The following KHDRBS2 variants were observed in gnomAD, a reference collection of about 807,000 sequenced individuals.
The protein encoded by KHDRBS2 is KH domain-containing, RNA-binding, signal transduction-associated protein 2.
KHDRBS2 carries 26 observed loss-of-function variants against 44.3 expected under a neutral mutation model. That is an observed-to-expected ratio of 0.59 (90% confidence interval 0.43 to 0.81). The LOEUF is 0.81. Among genes scored for constraint, KHDRBS2 ranks in the 40% least tolerant of loss-of-function variants. The pLI is 0.00. For synonymous variants in KHDRBS2, 194 were observed against 151.1 expected (o/e 1.28, Z -2.08); for missense variants, 476 against 433.1 (o/e 1.10, Z -0.88).
chr6:61,685,564 G>T (rs987604369), intron 8 of KHDRBS2, among the ~76,000 whole-genome samples: 6 of 151,628 alleles, frequency 4.0e-5, no homozygotes, highest in Non-Finnish European at 2.9e-5. Context: ...TATTAACTTA[G>T]GCTGCTATTT....
chr6:61,751,915 T>C (rs2127568975), intron 6 of KHDRBS2, among the ~76,000 whole-genome samples: 1 of 150,928 alleles, frequency 6.6e-6, no homozygotes, highest in Admixed American at 6.7e-5. Context: ...GTGTCATCAC[T>C]TGCTCTTTCC....
the KHDRBS2 span, among the ~76,000 whole-genome samples, chr6:61,605,074 A>T: frequency 6.6e-6 from 1 of 152,144 alleles, no homozygotes; most frequent in South Asian, 2.1e-4. Flanking sequence ...CCACCAACTT[A>T]AAAAGGACTG....
chr6:61,833,676 G>T (rs1348378305), intron 6 of KHDRBS2, among the ~76,000 whole-genome samples: 1 of 152,050 alleles, frequency 6.6e-6, no homozygotes, highest in South Asian at 2.1e-4. Context: ...GACTTGAAAA[G>T]CTCTTCCAAG....
chr6:61,953,472 G>C (rs780560437), intron 4 of KHDRBS2, among the ~76,000 whole-genome samples: 4 of 151,868 alleles, frequency 2.6e-5, no homozygotes, highest in Admixed American at 6.6e-5. Flanking sequence ...AACTGAAAAA[G>C]GTAAATTGAA....
chr6:61,734,726 T>C lies in KHDRBS2; in HGVS notation c.811-1962A>G, dbSNP rs1438698360. On this transcript the variant is annotated intron_variant, in intron 6 of 8. Transcript: ENST00000281156. The stretch of plus-strand genomic sequence containing the variant: ...TTTTCCTTTCTTCCAACGTTAATAA[T>C]TGTTCATTCATCTTATTATTTTCTT... Among the ~76,000 whole-genome samples, 6 of 152,176 alleles carry C rather than the reference T, an allele frequency of 3.9e-5. No individual in the cohort carries two copies. The South Asian group carries it at 1.0e-3, about 26-fold the overall frequency.
chr6:61,805,128 C>G (rs960195464), intron 6 of KHDRBS2, among the ~76,000 whole-genome samples: 6 of 152,102 alleles, frequency 3.9e-5, no homozygotes, highest in South Asian at 2.1e-4. Context: ...TTAACAGCAC[C>G]CAGGTCACAT....
intron 3 of KHDRBS2, among the ~76,000 whole-genome samples, chr6:62,030,465 T>G (rs1409684969): frequency 6.6e-6 from 1 of 152,040 alleles, no homozygotes; most frequent in African/African-American, 2.4e-5. Flanking sequence ...AAATCTAGTC[T>G]CTCTTACTAG....
intron 3 of KHDRBS2, among the ~76,000 whole-genome samples, chr6:62,006,069 A>G (rs1273383559): frequency 6.6e-6 from 1 of 152,020 alleles, no homozygotes; most frequent in African/African-American, 2.4e-5. Context: ...AAAATATTCT[A>G]TGGGCTGAGA....
At chr6:61,896,297 A>G (rs1287144471) in intron 5 of KHDRBS2, among the ~76,000 whole-genome samples, 1 of 152,194 alleles carries the variant, frequency 6.6e-6, no homozygotes, top group Admixed American at 6.5e-5. Context: ...GCAATAAATT[A>G]TATGGTCACC....
intron 6 of KHDRBS2, chr6:61,813,984 A>C (rs901944160): frequency 2.2e-6 from 1 of 455,674 alleles, no homozygotes; most frequent in African/African-American, 2.0e-5. Context: ...CATGCCAGTA[A>C]AAAAAGCTTC....
At chr6:62,185,789 A>G (rs1422504941) in intron 1 of KHDRBS2, among the ~76,000 whole-genome samples, 4 of 152,018 alleles carry the variant, frequency 2.6e-5, no homozygotes, top group Non-Finnish European at 5.9e-5. Context: ...TATCCAAATT[A>G]TAACCACTTC....
At chr6:62,030,436 A>G (rs1208335112) in intron 3 of KHDRBS2, among the ~76,000 whole-genome samples, 9 of 152,070 alleles carry the variant, frequency 5.9e-5, no homozygotes, top group Admixed American at 1.3e-4. Context: ...ATTGATGCAG[A>G]TGGCTTCATT....
intron 2 of KHDRBS2, among the ~76,000 whole-genome samples, chr6:62,055,545 T>C (rs1267289075): frequency 6.6e-6 from 1 of 152,158 alleles, no homozygotes; most frequent in South Asian, 2.1e-4. Context: ...ATTTACCTTA[T>C]GCCTCAGCAA....
At chr6:62,211,132 T>A (rs989574257) in intron 1 of KHDRBS2, among the ~76,000 whole-genome samples, 1 of 152,068 alleles carries the variant, frequency 6.6e-6, no homozygotes, top group African/African-American at 2.4e-5. Context: ...GCATTTAAAT[T>A]CCTGTAATTA....
At chr6:61,781,626 T>C (rs1273813777) in intron 6 of KHDRBS2, among the ~76,000 whole-genome samples, 2 of 152,226 alleles carry the variant, frequency 1.3e-5, no homozygotes, top group African/African-American at 2.4e-5. Context: ...ATTTATGGGA[T>C]ACACATGCAA....
chr6:61,716,688 G>A (rs1417786330), intron 7 of KHDRBS2, among the ~76,000 whole-genome samples: 3 of 151,864 alleles, frequency 2.0e-5, no homozygotes, highest in Non-Finnish European at 2.9e-5. Context: ...TTTGACAGTC[G>A]TATACATTCA....
At chr6:61,708,144 T>C (rs1473290101) in intron 7 of KHDRBS2, among the ~76,000 whole-genome samples, 1 of 151,656 alleles carries the variant, frequency 6.6e-6, no homozygotes, top group Non-Finnish European at 1.5e-5. Context: ...TAGAAATTAG[T>C]GCTCACATGT....
the KHDRBS2 span, among the ~76,000 whole-genome samples, chr6:61,652,953 T>C: frequency 6.6e-6 from 1 of 152,008 alleles, no homozygotes; most frequent in Non-Finnish European, 1.5e-5. Context: ...TCTAATTGGG[T>C]AGAATAAACA....
intron 1 of KHDRBS2, among the ~76,000 whole-genome samples, chr6:62,188,660 A>T (rs2344799): frequency 0.29 from 44,441 of 151,956 alleles, 7,894 homozygotes; most frequent in Middle Eastern, 0.45. Flanking sequence ...AACGTGCAAG[A>T]CATCTCAGGC....
Sources: allele counts gnomAD v4.1 joint callset (sites outside exome capture counted in the v4.1 genomes callset), GRCh38; gene constraint gnomAD v4.1.1; transcripts MANE v1.5; gene names NCBI Gene and HGNC (gene_info 2026-07-23, HGNC 2026-07-21).